DMD: variants seen among roughly 807,000 people sequenced by gnomAD.
DMD encodes the protein mutant dystrophin.
DMD carries 63 observed loss-of-function variants against 330.1 expected under a neutral mutation model. The observed-to-expected ratio is 0.19, with a 90% confidence interval of 0.16 to 0.24. The LOEUF is 0.24. Among genes scored for constraint, DMD ranks in the 10% least tolerant of loss-of-function variants. The pLI is 1.00. For missense variants in DMD, 3,344 were observed against 2,684.1 expected, an observed-to-expected ratio of 1.25 and a Z score of -5.43; for synonymous variants, 1,223 against 959.8, an observed-to-expected ratio of 1.27 and a Z score of -5.07.
At chrX:32,015,502 T>C (rs1323706100) in intron 44 of DMD, among the ~76,000 whole-genome samples, 1 of 111,627 alleles carries the variant, frequency 9.0e-6, no homozygotes, top group Admixed American at 9.5e-5. Context: ...AGATCTGGAA[T>C]GGGGCCCATG....
chrX:32,856,847 A>G (rs762073452), intron 2 of DMD, among the ~76,000 whole-genome samples: 4 of 111,721 alleles, frequency 3.6e-5, no homozygotes, highest in East Asian at 2.8e-4. Context: ...AGGCCGAGGC[A>G]GGCGGATCAT....
chrX:33,155,007 T>C (rs867759876), intron 1 of DMD, among the ~76,000 whole-genome samples: 8 of 112,384 alleles, frequency 7.1e-5, no homozygotes, highest in African/African-American at 2.3e-4. Context: ...TGATTACATA[T>C]CATCTTTCTT....
At chrX:32,131,832 T>G (rs73456150) in intron 44 of DMD, among the ~76,000 whole-genome samples, 1 of 112,209 alleles carries the variant, frequency 8.9e-6, no homozygotes, top group Admixed American at 9.5e-5. Flanking sequence ...TGCTCTACAC[T>G]GGATGTCAGA....
chrX:32,441,435 G>C, intron 27 of DMD, 121 bp from the exon 28 acceptor site: 2 of 684,297 alleles, frequency 2.9e-6, no homozygotes, highest in Non-Finnish European at 4.4e-6. Context: ...CCTTTACTTT[G>C]TAGCAGGTAA....
chrX:33,033,893 C>T (rs1291267788), intron 1 of DMD, among the ~76,000 whole-genome samples: 3 of 111,555 alleles, frequency 2.7e-5, no homozygotes, highest in East Asian at 2.8e-4. Context: ...TTTTCTGTTT[C>T]GAAAAACAGC....
intron 22 of DMD, 46 bp downstream of exon 22, chrX:32,472,118 C>A (rs767463565): frequency 8.4e-7 from 1 of 1,183,867 alleles, no homozygotes; most frequent in East Asian, 3.0e-5. Flanking sequence ...AATGTGAATG[C>A]TTGATAAGCG....
chrX:32,645,880 C>A (rs1370368079), intron 9 of DMD, among the ~76,000 whole-genome samples: 3 of 112,073 alleles, frequency 2.7e-5, no homozygotes, highest in Non-Finnish European at 3.8e-5. Context: ...AAGCCAAGAG[C>A]AAAGTGTACG....
At chrX:31,990,077 T>A (rs1364180556) in intron 44 of DMD, among the ~76,000 whole-genome samples, 1 of 112,493 alleles carries the variant, frequency 8.9e-6, no homozygotes, top group Non-Finnish European at 1.9e-5. Flanking sequence ...ATGATGAAAA[T>A]CATGTTGACA....
At chrX:33,130,890 A>G (rs1379379569) in intron 1 of DMD, among the ~76,000 whole-genome samples, 1 of 111,646 alleles carries the variant, frequency 9.0e-6, no homozygotes, top group Admixed American at 9.5e-5. Flanking sequence ...TGTTCTAGGA[A>G]TTAAACTGAG....
At chrX:33,189,751 CG>C (rs2050441045) in intron 1 of DMD, among the ~76,000 whole-genome samples, 1 of 111,256 alleles carries the variant, frequency 9.0e-6, no homozygotes, top group South Asian at 3.8e-4. Context: ...ACATACATCA[CG>C]GAGTTGGCAT....
intron 1 of DMD, among the ~76,000 whole-genome samples, chrX:33,319,988 CAGTT>C (rs2053991776): frequency 9.0e-6 from 1 of 111,374 alleles, no homozygotes; most frequent in Admixed American, 9.6e-5. Flanking sequence ...GGTGAGAGGT[CAGTT>C]AGATGACTGT....
chrX:32,815,080 C>T (rs751500442), intron 6 of DMD, among the ~76,000 whole-genome samples: 5 of 110,820 alleles, frequency 4.5e-5, no homozygotes, highest in East Asian at 2.9e-4. Context: ...CGCTGCTTAA[C>T]GTGACATTTG....
intron 43 of DMD, among the ~76,000 whole-genome samples, chrX:32,265,883 C>A (rs1032744847): frequency 3.6e-5 from 4 of 111,871 alleles, no homozygotes; most frequent in Non-Finnish European, 5.6e-5. Flanking sequence ...GGCTCCTAGG[C>A]AGAAGTGACT....
intron 62 of DMD, among the ~76,000 whole-genome samples, chrX:31,295,462 A>G (rs1196829365): frequency 9.1e-6 from 1 of 110,166 alleles, no homozygotes; most frequent in African/African-American, 3.3e-5. Flanking sequence ...CACCCAGGCT[A>G]GAGTGCAATG....
chrX:31,543,539 T>C (rs768222968), intron 55 of DMD, among the ~76,000 whole-genome samples: 1 of 112,206 alleles, frequency 8.9e-6, no homozygotes, highest in African/African-American at 3.2e-5. Context: ...CAACACCAAC[T>C]AACATGAATT....
chrX:32,418,723 G>C (rs1426159976), intron 29 of DMD, among the ~76,000 whole-genome samples: 2 of 110,324 alleles, frequency 1.8e-5, no homozygotes, highest in African/African-American at 6.6e-5. Flanking sequence ...TAGTTGTTTA[G>C]AACCGGCAAG....
intron 74 of DMD, among the ~76,000 whole-genome samples, chrX:31,162,973 C>G (rs2039016555): frequency 9.0e-6 from 1 of 111,581 alleles, no homozygotes; most frequent in African/African-American, 3.3e-5. Flanking sequence ...GATGGTTGAC[C>G]CCATTCTTAC....
rs72466595 is a variant in DMD, at chrX:31,929,680, G to A, written c.6828C>T (p.Pro2276=). Residue 2276 remains proline, a synonymous_variant, in exon 47 of 79, where the codon CCC becomes CCT. Transcript: ENST00000357033. ...ILKQLNETGG[P]VLVSAPISPE... ...GGCTTATGGGAGCACTTACAAGCAC[G>A]GGTCCTCCAGTTTCATTTAATTGTT... The A allele has an allele frequency of 7.1e-4, 864 of 1,209,058 alleles. 1 individual carries two copies. Among genetic ancestry groups the A allele is most frequent in the Non-Finnish European group, 8.6e-4 (774 of 894,828 alleles).
At position 31,667,050 on chromosome X, in the gene DMD, TA is replaced by T. The variant is rs757772390; in HGVS notation, c.7873-8907del. On this transcript the variant is annotated intron_variant, in intron 53 of 78. Transcript: ENST00000357033. ...AATGTATTCAGGGTTGTGCAACCAT[TA>T]TTATGATCTAATTTGAGAACATTTT... Among the ~76,000 whole-genome samples the T allele has an allele frequency of 1.7e-4, 19 of 112,109 alleles. No individual in the cohort carries two copies. In the South Asian group the frequency reaches 7.0e-3, roughly 41 times the overall value.
Sources: allele counts gnomAD v4.1 joint callset (sites outside exome capture counted in the v4.1 genomes callset), GRCh38; gene constraint gnomAD v4.1.1; transcripts MANE v1.5; gene names NCBI Gene and HGNC (gene_info 2026-07-23, HGNC 2026-07-21).